CRKL: variants seen among roughly 807,000 people sequenced by gnomAD.
CRKL encodes CRK like proto-oncogene, adaptor protein, also known as crk-like protein.
A neutral mutation model predicts 23.0 loss-of-function variants in CRKL; 3 were observed. The ratio of observed to expected loss-of-function variants is 0.13; its 90% confidence interval spans 0.06 to 0.34. The LOEUF (loss-of-function observed/expected upper bound fraction) is 0.34, where lower values mean the gene tolerates loss of function less well. CRKL is among the 10% of genes least tolerant of loss of function. The probability of loss-of-function intolerance (pLI) is 1.00; values close to 1 mark genes in which losing one functional copy is unlikely to be tolerated. For synonymous variants in CRKL, 188 were observed against 160.7 expected (o/e 1.17, Z -1.28); for missense variants, 256 against 394.5 (o/e 0.65, Z 2.97).
intron 2 of CRKL, among the ~76,000 whole-genome samples, chr22:20,940,097 C>G (rs1344504195): frequency 6.6e-6 from 1 of 152,170 alleles, no homozygotes; most frequent in African/African-American, 2.4e-5. Context: ...GCCTCTGAAT[C>G]TTTTAAAATC....
intron 1 of CRKL, among the ~76,000 whole-genome samples, chr22:20,918,803 G>C (rs1359295960): frequency 1.3e-5 from 2 of 152,092 alleles, no homozygotes; most frequent in Admixed American, 1.3e-4. Flanking sequence ...TGTTGGCCTG[G>C]ATGGTCTCGA....
At chr22:20,939,827 C>T (rs1921802529) in intron 2 of CRKL, among the ~76,000 whole-genome samples, 2 of 146,134 alleles carry the variant, frequency 1.4e-5, no homozygotes, top group South Asian at 4.3e-4. Context: ...TCGCTCTTGT[C>T]GCCCAGGCTG....
At chr22:20,934,759 A>G (rs529631734) in intron 2 of CRKL, among the ~76,000 whole-genome samples, 5 of 152,046 alleles carry the variant, frequency 3.3e-5, no homozygotes, top group African/African-American at 1.2e-4. Context: ...CAGTTGAGAA[A>G]TATGAAAATG....
intron 1 of CRKL, among the ~76,000 whole-genome samples, chr22:20,921,385 T>C (rs1287723127): frequency 6.6e-6 from 1 of 152,202 alleles, no homozygotes; most frequent in African/African-American, 2.4e-5. Flanking sequence ...AAGAGAATTA[T>C]AACCCAGTGT....
At chr22:20,933,231 G>A (rs1193107646) in intron 1 of CRKL, among the ~76,000 whole-genome samples, 5 of 151,922 alleles carry the variant, frequency 3.3e-5, no homozygotes, top group East Asian at 1.9e-4. Context: ...TTAGCGGGGC[G>A]TGGTGGCATG....
At chr22:20,918,365 T>G (rs1929767467) in intron 1 of CRKL, 120 bp downstream of exon 1, 1 of 1,169,480 alleles carries the variant, frequency 8.6e-7, no homozygotes, top group African/African-American at 1.5e-5. Flanking sequence ...AACCAAATTA[T>G]TTTCCAGAAG....
intron 1 of CRKL, among the ~76,000 whole-genome samples, chr22:20,919,042 C>T (rs1041636676): frequency 6.8e-6 from 1 of 147,030 alleles, no homozygotes; most frequent in African/African-American, 2.5e-5. Context: ...CCCTCCAGAT[C>T]TCTGAACTCC....
chr22:20,923,547 G>A (rs1419736162), intron 1 of CRKL, among the ~76,000 whole-genome samples: 1 of 150,194 alleles, frequency 6.7e-6, no homozygotes, highest in Non-Finnish European at 1.5e-5. Context: ...AAAGTGCTGG[G>A]ATTACAGTTA....
rs529971510 is a variant in CRKL at position 20,918,315 on chromosome 22, G to C, written c.311+70G>C. ...GGTCTGTCGAAGAGTGCTTGTATAG[G>C]GGGGTGGGGCGCGCTTGAACCCATA... On this transcript the variant is annotated intron_variant, in intron 1 of 2. Coordinates refer to ENST00000354336, the MANE Select transcript of CRKL (RefSeq NM_005207.4). 3,724 of 1,524,342 alleles carry C rather than the reference G, an allele frequency of 2.4e-3. 2 individuals carry two copies. Among genetic ancestry groups the C allele is most frequent in the Non-Finnish European group, 2.9e-3 (3,332 of 1,131,682 alleles). The allele number at this position is 1,524,342 out of a possible 1,614,324, so 94.4% of individuals were successfully genotyped here.
intron 2 of CRKL, among the ~76,000 whole-genome samples, chr22:20,947,235 C>G (rs868253445): frequency 1.4e-5 from 2 of 143,818 alleles, no homozygotes; most frequent in Non-Finnish European, 3.0e-5. Context: ...TTTTCTGTCT[C>G]TCTCTCTTTT....
In CRKL at chr22:20,950,431, T is replaced by C. The variant is rs1922229776; in HGVS notation, c.*586T>C. 4 of 233,228 alleles carry C rather than the reference T, an allele frequency of 1.7e-5. No individual in the cohort carries two copies. In the East Asian group the frequency reaches 2.4e-4, roughly 14 times the overall value. The allele number at this position is 233,228 out of a possible 1,614,324, so 14.4% of individuals were successfully genotyped here. ...TTTTGTTTGTTTTGTTTTGTTTTTT[T>C]GAGACGGTGTCTCGCTGCATCACCC... On this transcript the variant is annotated 3_prime_UTR_variant, in exon 3 of 3. Coordinates refer to ENST00000354336, the MANE Select transcript of CRKL (RefSeq NM_005207.4).
At chr22:20,937,979 C>T (rs1035745740) in intron 2 of CRKL, among the ~76,000 whole-genome samples, 2 of 152,120 alleles carry the variant, frequency 1.3e-5, no homozygotes, top group Non-Finnish European at 2.9e-5. Flanking sequence ...AAGCGATTCT[C>T]ATGCCTCAGC....
intron 1 of CRKL, among the ~76,000 whole-genome samples, chr22:20,923,723 C>T (rs1223725518): frequency 4.6e-5 from 7 of 151,786 alleles, no homozygotes; most frequent in African/African-American, 1.5e-4. Context: ...TACAGGCGCA[C>T]GCGCTACCAC....
At chr22:20,944,844 G>A (rs1157132446) in intron 2 of CRKL, among the ~76,000 whole-genome samples, 1 of 151,770 alleles carries the variant, frequency 6.6e-6, no homozygotes, top group African/African-American at 2.4e-5. Context: ...CTCCTGAGTA[G>A]CTGGGACTAC....
At chr22:20,938,163 G>A (rs912148570) in intron 2 of CRKL, among the ~76,000 whole-genome samples, 2 of 152,186 alleles carry the variant, frequency 1.3e-5, no homozygotes, top group African/African-American at 4.8e-5. Flanking sequence ...AAAATGTGCT[G>A]ATAATTGAAG....
chr22:20,934,416 G>T (rs1921576114), intron 2 of CRKL, among the ~76,000 whole-genome samples, 172 bp downstream of exon 2: 1 of 152,138 alleles, frequency 6.6e-6, no homozygotes, highest in Admixed American at 6.6e-5. Context: ...TAGAGACGAG[G>T]TCTCTAATTT....
chr22:20,934,351 A>C, intron 2 of CRKL, 107 bp downstream of exon 2: 1 of 1,021,352 alleles, frequency 9.8e-7, no homozygotes, highest in Middle Eastern at 2.5e-4. Context: ...GAATTAGAGC[A>C]CTGGATGATT....
At chr22:20,920,711 T>A (rs77555485) in intron 1 of CRKL, among the ~76,000 whole-genome samples, 2,155 of 152,184 alleles carry the variant, frequency 0.014, 23 homozygotes, top group Middle Eastern at 0.034. Flanking sequence ...CTGGTAGCCA[T>A]CCTTCCTTAC....
At chr22:20,929,707 T>C (rs1045439942) in intron 1 of CRKL, among the ~76,000 whole-genome samples, 4 of 152,062 alleles carry the variant, frequency 2.6e-5, no homozygotes, top group Non-Finnish European at 5.9e-5. Flanking sequence ...ATGATCCACC[T>C]GCCTCGGCCT....
Sources: allele counts gnomAD v4.1 joint callset (sites outside exome capture counted in the v4.1 genomes callset), GRCh38; gene constraint gnomAD v4.1.1; transcripts MANE v1.5; gene names NCBI Gene and HGNC (gene_info 2026-07-23, HGNC 2026-07-21).